Variants in OAS3 observed in about 807,000 individuals in gnomAD.
OAS3 encodes the protein 2'-5'-oligoadenylate synthetase 3, also known as 2'-5'-oligoadenylate synthase 3.
A neutral mutation model predicts 113.0 loss-of-function variants in OAS3; 107 were observed. That is an observed-to-expected ratio of 0.95 (90% CI 0.81 to 1.11). The LOEUF (loss-of-function observed/expected upper bound fraction) is 1.11, where lower values mean the gene tolerates loss of function less well. OAS3 is among the 50% of genes most tolerant of loss of function. The pLI is 0.00. For synonymous variants in OAS3, 552 were observed against 573.6 expected (o/e 0.96, Z 0.54); for missense variants, 1,258 against 1,389.1 (o/e 0.91, Z 1.50).
chr12:112,969,898 C>A, intron 15 of OAS3, 64 bp from the exon 16 acceptor site: 1 of 1,595,930 alleles, frequency 6.3e-7, no homozygotes, highest in Non-Finnish European at 8.5e-7. Flanking sequence ...TCCCATCCGG[C>A]TGTGTGGTCT....
chr12:112,958,153 C>T (rs1035590505), intron 7 of OAS3, among the ~76,000 whole-genome samples: 1 of 152,254 alleles, frequency 6.6e-6, no homozygotes. Flanking sequence ...GTGCATGCAT[C>T]ACGTAGTTCT....
Position 112,944,578 on chromosome 12 carries a change from G to C in OAS3, c.563G>C (p.Arg188Pro). 6.2e-7 allele frequency: 1 copy of C among 1,614,050 alleles called. No individual in the cohort carries two copies. Among genetic ancestry groups the C allele is most frequent in the Non-Finnish European group, 8.5e-7 (1 of 1,179,894 alleles). Reference protein sequence around the residue: ...GEHAACFTELRRNFVNIRPAK... With the variant: ...GEHAACFTELPRNFVNIRPAK... ...CATGCGGCCTGCTTCACAGAGCTGC[G>C]GAGGAACTTTGTGAACATTCGCCCA... Residue 188 changes from arginine to proline, a missense_variant, in exon 3 of 16, where the codon CGG becomes CCG. Coordinates refer to ENST00000228928, the MANE Select transcript of OAS3 (RefSeq NM_006187.4).
At position 112,969,638 on chromosome 12, in the gene OAS3, A is replaced by G; in HGVS notation, c.3135A>G (p.Thr1045=). 2 of 1,605,224 alleles carry G rather than the reference A, an allele frequency of 1.2e-6. No homozygotes were observed. The highest frequency in any genetic ancestry group is 1.7e-6 in the Non-Finnish European group (2 of 1,175,842). The part of the protein sequence containing the change: ...RPIILDPADP[T]GNLGHNARWD... ...TCATCCTGGATCCGGCTGACCCGAC[A>G]GGCAACCTGGGCCACAATGCCCGCT... Residue 1045 remains threonine, a synonymous_variant, in exon 15 of 16, where the codon ACA becomes ACG. Coordinates refer to ENST00000228928, the MANE Select transcript of OAS3 (RefSeq NM_006187.4).
chr12:112,938,580 G>C lies in OAS3; in HGVS notation c.50G>C (p.Arg17Thr), dbSNP rs531947012. ...PAAALDRFVA[R>T]RLQPRKEFVE... is the part of the protein sequence containing the mutation. ...GCTGCGCTGGACAGGTTCGTGGCCA[G>C]AAGGCTGCAGCCGCGGAAGGAGTTC... The change falls in exon 1 of 16, where the codon AGA becomes ACA. Residue 17 changes from arginine (R) to threonine (T), a missense_variant. Transcript: ENST00000228928. 4 of 1,610,650 alleles carry C rather than the reference G, an allele frequency of 2.5e-6. No individual in the cohort carries two copies. The highest frequency in any genetic ancestry group is 3.4e-6 in the Non-Finnish European group (4 of 1,178,928).
chr12:112,950,636 A>G (rs1188481015), intron 6 of OAS3, 57 bp from the exon 7 acceptor site: 1 of 1,578,518 alleles, frequency 6.3e-7, no homozygotes, highest in East Asian at 2.2e-5. Flanking sequence ...ATGGGATCGT[A>G]GTCCGACTCC....
chr12:112,949,069 C>T lies in OAS3; in HGVS notation c.1238C>T (p.Thr413Ile), dbSNP rs2136348640. The T allele has an allele frequency of 2.5e-6, 4 of 1,614,020 alleles. No homozygotes were observed. Among genetic ancestry groups the T allele is most frequent in the Non-Finnish European group, 3.4e-6 (4 of 1,179,900 alleles). The change falls in exon 6 of 16, where the codon ACC becomes ATC. Residue 413 changes from threonine (T) to isoleucine (I), a missense_variant. Physicochemically the swap from Thr to Ile is moderately conservative, Grantham distance 89. Coordinates refer to ENST00000228928, the MANE Select transcript of OAS3 (RefSeq NM_006187.4). ...GMALDLSQIP[T>I]KELDRFIQDH... Reference sequence around the variant, plus strand: ...GCCTTGGACCTGTCTCAGATCCCCACCAAGGAGCTGGACCGCTTCATCCAG... The same window carrying T: ...GCCTTGGACCTGTCTCAGATCCCCATCAAGGAGCTGGACCGCTTCATCCAG...
rs992489196 is a variant in OAS3, at chr12:112,954,456, A to T, written c.1657+3481A>T. Among the ~76,000 whole-genome samples the T allele has an allele frequency of 6.6e-5, 10 of 152,000 alleles. No homozygotes were observed. Among genetic ancestry groups the T allele is most frequent in the South Asian group, 4.2e-4 (2 of 4,816 alleles). ...CAGGTGCCCGCCACCACATCTGGCT[A>T]ATTTTTTTGTATTTTTTAGTAGAGA... On this transcript the variant is annotated intron_variant, in intron 7 of 15. Coordinates refer to ENST00000228928, the MANE Select transcript of OAS3 (RefSeq NM_006187.4). The surrounding 1 kb of genome is among the most constrained non-coding windows in gnomAD (Gnocchi z 4.0).
At chr12:112,956,667 T>C (rs1161929540) in intron 7 of OAS3, among the ~76,000 whole-genome samples, 1 of 152,252 alleles carries the variant, frequency 6.6e-6, no homozygotes, top group African/African-American at 2.4e-5. Context: ...TTCTTAATCC[T>C]GAGTTCTAGT....
chr12:112,944,501 C>G lies in OAS3; in HGVS notation c.486C>G (p.Pro162=). Reference sequence around the variant, plus strand: ...GTCAGGCCGGCTCCGGCGTCAAACCCAAGCCACAAGTCTACTCTACCCTCC... The same window carrying G: ...GTCAGGCCGGCTCCGGCGTCAAACCGAAGCCACAAGTCTACTCTACCCTCC... ...VLGQAGSGVK[P]KPQVYSTLLN... The change falls in exon 3 of 16, where the codon CCC becomes CCG. Residue 162 remains proline (P), a synonymous_variant. Transcript: ENST00000228928. The G allele has an allele frequency of 1.2e-6, 2 of 1,613,914 alleles. No individual in the cohort carries two copies. Among genetic ancestry groups the G allele is most frequent in the Non-Finnish European group, 8.5e-7 (1 of 1,179,888 alleles).
At chr12:112,946,720 C>T in intron 3 of OAS3, 23 bp from the exon 4 acceptor site, 2 of 1,575,806 alleles carry the variant, frequency 1.3e-6, no homozygotes, top group Non-Finnish European at 1.7e-6. Context: ...CCTTCTGAGT[C>T]CCCTGCCGAT....
rs11837367 is a variant in OAS3, at chr12:112,970,188, A to G, written c.*215A>G. 4,327 of 628,076 alleles carry G rather than the reference A, an allele frequency of 6.9e-3. 133 individuals carry two copies. The African/African-American group carries it at 0.07, about 10-fold the overall frequency. 38.9% of individuals were successfully genotyped at this position (628,076 alleles called of 1,614,324 possible). The stretch of plus-strand genomic sequence containing the variant: ...CCCTGCCTCCCATGGCTTACACACT[A>G]GGATCCAGACTCCATGGTTTGACAC... On this transcript the variant is annotated 3_prime_UTR_variant, in exon 16 of 16. Transcript: ENST00000228928.
intron 4 of OAS3, 27 bp downstream of exon 4, chr12:112,947,008 T>C (rs777057705): frequency 6.3e-7 from 1 of 1,587,262 alleles, no homozygotes; most frequent in South Asian, 1.1e-5. Context: ...CACCATCTGC[T>C]CTCCTGTCCC....
chr12:112,953,501 C>T (rs938045195), intron 7 of OAS3, among the ~76,000 whole-genome samples: 186 of 152,236 alleles, frequency 1.2e-3, no homozygotes, highest in African/African-American at 4.3e-3. Context: ...GGGTATATAC[C>T]CGGTAATGGG....
intron 7 of OAS3, among the ~76,000 whole-genome samples, chr12:112,951,394 A>G (rs1001242188): frequency 6.6e-6 from 1 of 152,052 alleles, no homozygotes; most frequent in Admixed American, 6.5e-5. Context: ...GTTTTAGTCA[A>G]TGCAATTAAA....
intron 1 of OAS3, among the ~76,000 whole-genome samples, chr12:112,939,306 C>CTTTTTTTTTT (rs58792765): frequency 3.5e-4 from 24 of 68,302 alleles, no homozygotes; most frequent in African/African-American, 1.3e-3. Context: ...TGAGTCACAT[C>CTTTTTTTTTT]TTTTTTTTTT....
In OAS3 at chr12:112,957,908, C is replaced by T. The variant is rs550925342; in HGVS notation, c.1658-3163C>T. ...GCCTTGCTAGGTTGGGGAAGTTCTC[C>T]TGGATAATATCCTGCAGAGTGTTTT... On this transcript the variant is annotated intron_variant, in intron 7 of 15. Transcript: ENST00000228928. Among the ~76,000 whole-genome samples the T allele has an allele frequency of 2.8e-3, 434 of 152,334 alleles. 2 individuals are homozygous for T. The highest frequency in any genetic ancestry group is 0.01 in the African/African-American group (418 of 41,572).
chr12:112,949,057 CT>C lies in OAS3; in HGVS notation c.1227del (p.Gln410ArgfsTer15). 6.2e-7 allele frequency: 1 copy of C among 1,614,046 alleles called. No homozygotes were observed. Among genetic ancestry groups the C allele is most frequent in the South Asian group, 1.1e-5 (1 of 91,090 alleles). ...GTGCCGGGAATGGCCTTGGACCTGTCTCAGATCCCCACCAAGGAGCTGGACC... is the reference window on the plus strand; with the variant it reads ...GTGCCGGGAATGGCCTTGGACCTGTCCAGATCCCCACCAAGGAGCTGGACC... Reference protein sequence around the residue: ...PSVPGMALDLSQIPTKELDRF... With the variant: ...PSVPGMALDLXQIPTKELDRF... On this transcript the variant is annotated frameshift_variant, in exon 6 of 16. Transcript: ENST00000228928. LOFTEE classifies it high-confidence loss of function.
rs772615092 is a variant in OAS3 at position 112,964,333 on chromosome 12, C to T, written c.2328C>T (p.Ala776=). The part of the protein sequence containing the change: ...NRQFLAQVNK[A]VDTICSFLKE... ...AGTTCCTGGCCCAGGTGAACAAGGCCGTTGATACCATCTGTTCATTTTTGA... is the reference window on the plus strand; with the variant it reads ...AGTTCCTGGCCCAGGTGAACAAGGCTGTTGATACCATCTGTTCATTTTTGA... The change falls in exon 11 of 16, where the codon GCC becomes GCT. Residue 776 remains alanine (A), a synonymous_variant. Coordinates refer to ENST00000228928, the MANE Select transcript of OAS3 (RefSeq NM_006187.4). The T allele has an allele frequency of 1.1e-5, 18 of 1,611,500 alleles. No homozygotes were observed. Among genetic ancestry groups the T allele is most frequent in the South Asian group, 3.3e-5 (3 of 90,204 alleles).
rs753049444 is a variant in OAS3 at position 112,961,226 on chromosome 12, G to C, written c.1813G>C (p.Val605Leu). 1.2e-6 allele frequency: 2 copies of C among 1,614,000 alleles called. No homozygotes were observed. Among genetic ancestry groups the C allele is most frequent in the Admixed American group, 3.3e-5 (2 of 60,016 alleles). ...CAAGCTGAAGAACCTGATTCTGCTG[G>C]TGAAGCACTGGTACCGCCAGGTGAG... is the stretch of plus-strand genomic sequence containing the variant. ...PVKLKNLILLVKHWYRQVAAQ... is the reference protein window; with the variant it reads ...PVKLKNLILLLKHWYRQVAAQ... The change falls in exon 8 of 16, where the codon GTG becomes CTG. Residue 605 changes from valine to leucine, a missense_variant. Transcript: ENST00000228928.
Sources: gnomAD v4.1 joint callset for allele counts (sites outside exome capture counted in the v4.1 genomes callset) on GRCh38, gnomAD v4.1.1 for gene constraint, Gnocchi (gnomAD v3.1) non-coding constraint, MANE v1.5 for transcripts, NCBI Gene and HGNC (gene_info 2026-07-23, HGNC 2026-07-21) for gene names.